PTPRJ: variants seen among roughly 807,000 people sequenced by gnomAD.
The protein encoded by PTPRJ is receptor-type tyrosine-protein phosphatase eta.
In PTPRJ, 129 loss-of-function variants were observed where a neutral mutation model predicts 141.3. That is an observed-to-expected ratio of 0.91 (90% CI 0.79 to 1.06). The LOEUF is 1.06. Ranked by LOEUF, PTPRJ falls within the 50% of genes least tolerant of loss-of-function variation. PTPRJ has a pLI of 0.00. For missense variants in PTPRJ, 1,601 were observed against 1,679.7 expected, an observed-to-expected ratio of 0.95 and a Z score of 0.82; for synonymous variants, 610 against 640.5, an observed-to-expected ratio of 0.95 and a Z score of 0.72.
At chr11:48,046,586 C>G (rs1200728641) in intron 1 of PTPRJ, among the ~76,000 whole-genome samples, 1 of 151,934 alleles carries the variant, frequency 6.6e-6, no homozygotes, top group Non-Finnish European at 1.5e-5. Context: ...GATAAAGATC[C>G]CTTATTATGG....
chr11:48,156,735 C>T (rs550761134), intron 21 of PTPRJ, among the ~76,000 whole-genome samples: 1 of 152,012 alleles, frequency 6.6e-6, no homozygotes, highest in South Asian at 2.1e-4. Context: ...TACAGGCGTG[C>T]ACCACATGCC....
intron 1 of PTPRJ, among the ~76,000 whole-genome samples, chr11:48,029,542 A>G (rs1300153810): frequency 4.6e-5 from 7 of 152,244 alleles, no homozygotes; most frequent in Admixed American, 3.9e-4. Context: ...GGACAGTAAT[A>G]AAACTTAACT....
At chr11:48,099,465 A>G (rs1023870884) in intron 1 of PTPRJ, among the ~76,000 whole-genome samples, 2 of 152,188 alleles carry the variant, frequency 1.3e-5, no homozygotes, top group Non-Finnish European at 2.9e-5. Flanking sequence ...GGCACAGTTT[A>G]AAGCCTGCCA....
intron 1 of PTPRJ, among the ~76,000 whole-genome samples, chr11:48,091,857 C>T (rs150179722): frequency 2.9e-4 from 44 of 152,264 alleles, no homozygotes; most frequent in African/African-American, 9.6e-4. Flanking sequence ...TTTCTGGGGC[C>T]CAGAGTTTGC....
intron 4 of PTPRJ, 63 bp downstream of exon 4, chr11:48,121,329 CT>C (rs1856703661): frequency 2.6e-6 from 4 of 1,528,556 alleles, no homozygotes; most frequent in Non-Finnish European, 3.6e-6. Flanking sequence ...ATTCTAGGGC[CT>C]TGTCCGTTCA....
rs118167915 is a variant in PTPRJ at position 48,052,147 on chromosome 11, C to T, written c.97-57911C>T. 2.7e-4 allele frequency among the ~76,000 whole-genome samples: 41 copies of T among 152,260 alleles called. No homozygotes were observed. The East Asian group carries it at 7.1e-3, about 26-fold the overall frequency. ...TGCCTGTAGGTTTACCCCTGGATCC[C>T]GTCAGGATGGGGCTAAATTTAGAAT... On this transcript the variant is annotated intron_variant, in intron 1 of 24. Coordinates refer to ENST00000418331, the MANE Select transcript of PTPRJ (RefSeq NM_002843.4).
intron 1 of PTPRJ, among the ~76,000 whole-genome samples, chr11:48,027,854 G>C (rs1241182663): frequency 1.3e-5 from 2 of 148,556 alleles, no homozygotes; most frequent in Non-Finnish European, 3.0e-5. Context: ...GCTCTCCAGG[G>C]AAGGCTGCAG....
chr11:48,083,964 C>T (rs1855630526), intron 1 of PTPRJ, among the ~76,000 whole-genome samples: 1 of 152,130 alleles, frequency 6.6e-6, no homozygotes, highest in South Asian at 2.1e-4. Context: ...TCTCAGTGAA[C>T]TGATATTTTC....
intron 1 of PTPRJ, among the ~76,000 whole-genome samples, chr11:48,012,203 G>A (rs1430615922): frequency 6.6e-6 from 1 of 151,970 alleles, no homozygotes; most frequent in African/African-American, 2.4e-5. Context: ...TTCTTTTTTT[G>A]TGAGTGCTTG....
intron 1 of PTPRJ, among the ~76,000 whole-genome samples, chr11:48,057,974 C>T (rs1429556725): frequency 1.3e-5 from 2 of 151,726 alleles, no homozygotes; most frequent in African/African-American, 2.4e-5. Flanking sequence ...TGCAATGGCA[C>T]GATCTCGGCT....
chr11:48,170,116 T>G lies in PTPRJ; in HGVS notation c.*2754T>G, dbSNP rs1489998158. 2.0e-5 allele frequency: 3 copies of G among 152,052 alleles called. No individual in the cohort carries two copies. Among genetic ancestry groups the G allele is most frequent in the Non-Finnish European group, 4.4e-5 (3 of 68,046 alleles). 9.4% of individuals were successfully genotyped at this position (152,052 alleles called of 1,614,324 possible). On this transcript the variant is annotated 3_prime_UTR_variant, in exon 25 of 25. Coordinates refer to ENST00000418331, the MANE Select transcript of PTPRJ (RefSeq NM_002843.4). ...GAGTCCAGTGGAATCGGGGGGATGG[T>G]GTGAGCACCCCTGTTCAGTCTTTGA...
chr11:48,085,222 A>T (rs1393980095), intron 1 of PTPRJ, among the ~76,000 whole-genome samples: 1 of 151,082 alleles, frequency 6.6e-6, no homozygotes, highest in African/African-American at 2.4e-5. Context: ...GACATTAAAG[A>T]GATTTGCAAA....
chr11:47,980,931 G>T lies in PTPRJ; in HGVS notation c.19G>T (p.Glu7Ter). Residue 7 changes from glutamate to a stop codon, truncating the protein, a stop_gained, in exon 1 of 25, where the codon GAG (glutamate) becomes TAG (stop). Coordinates refer to ENST00000418331, the MANE Select transcript of PTPRJ (RefSeq NM_002843.4). LOFTEE classifies it high-confidence loss of function. ...GCGGGGCATGAAGCCGGCGGCGCGG[G>T]AGGCGCGGCTGCCTCCGCGCTCGCC... MKPAAR[E>*]ARLPPRSPGL... 8.4e-7 allele frequency: 1 copy of T among 1,186,184 alleles called. No homozygotes were observed. Among genetic ancestry groups the T allele is most frequent in the Non-Finnish European group, 1.0e-6 (1 of 959,062 alleles). The allele number at this position is 1,186,184 out of a possible 1,614,324, so 73.5% of individuals were successfully genotyped here.
At chr11:48,101,446 C>T (rs1255361748) in intron 1 of PTPRJ, among the ~76,000 whole-genome samples, 1 of 152,228 alleles carries the variant, frequency 6.6e-6, no homozygotes, top group African/African-American at 2.4e-5. Context: ...GCATCTGGGA[C>T]TGTTGACCTC....
At chr11:48,023,449 C>T (rs1853712702) in intron 1 of PTPRJ, among the ~76,000 whole-genome samples, 1 of 152,142 alleles carries the variant, frequency 6.6e-6, no homozygotes, top group African/African-American at 2.4e-5. Flanking sequence ...CTTTCTGAAT[C>T]AGAGTTTTCT....
intron 1 of PTPRJ, among the ~76,000 whole-genome samples, chr11:48,030,733 A>T (rs890774025): frequency 6.6e-6 from 1 of 152,032 alleles, no homozygotes; most frequent in Non-Finnish European, 1.5e-5. Context: ...ACAGAGCGAG[A>T]CTCTGTCTCA....
At chr11:48,131,051 C>CATATATATAT (rs1260358599) in intron 8 of PTPRJ, among the ~76,000 whole-genome samples, 6 of 112,074 alleles carry the variant, frequency 5.4e-5, no homozygotes, top group African/African-American at 2.4e-4. Flanking sequence ...CACACACACA[C>CATATATATAT]ATATATATAT....
intron 1 of PTPRJ, among the ~76,000 whole-genome samples, chr11:48,062,010 T>TC (rs1467334194): frequency 6.7e-6 from 1 of 149,600 alleles, no homozygotes; most frequent in Non-Finnish European, 1.5e-5. Flanking sequence ...GCTCAAACGA[T>TC]CCCCCCACCT....
chr11:48,134,092 A>T (rs1220252243), intron 8 of PTPRJ, among the ~76,000 whole-genome samples: 1 of 152,314 alleles, frequency 6.6e-6, no homozygotes, highest in South Asian at 2.1e-4. Context: ...AATGGTTAAG[A>T]TGATAAATAT....
Sources: gnomAD v4.1 joint callset for allele counts (sites outside exome capture counted in the v4.1 genomes callset) on GRCh38, gnomAD v4.1.1 for gene constraint, MANE v1.5 for transcripts, NCBI Gene and HGNC (gene_info 2026-07-23, HGNC 2026-07-21) for gene names.